Variants in SPTBN1 observed in about 807,000 individuals in gnomAD.
SPTBN1 encodes the protein spectrin beta, non-erythrocytic 1.
In SPTBN1, 32 loss-of-function variants were observed where a neutral mutation model predicts 266.4. The observed-to-expected ratio is 0.12, with a 90% CI of 0.09 to 0.16. The LOEUF is 0.16. Among genes scored for constraint, SPTBN1 ranks in the 10% least tolerant of loss-of-function variants. SPTBN1 has a pLI of 1.00. For synonymous variants in SPTBN1, 1,336 were observed against 1,162.2 expected (o/e 1.15, Z -3.04); for missense variants, 2,296 against 3,067.1 (o/e 0.75, Z 5.94).
chr2:54,659,381 A>G, intron 31 of SPTBN1, 115 bp downstream of exon 31: 1 of 991,186 alleles, frequency 1.0e-6, no homozygotes, highest in African/African-American at 1.6e-5. Flanking sequence ...CTGCCTACTG[A>G]TTGCTTCCAT....
chr2:54,548,066 C>T (rs987643132), intron 2 of SPTBN1, among the ~76,000 whole-genome samples: 1 of 152,130 alleles, frequency 6.6e-6, no homozygotes, highest in Non-Finnish European at 1.5e-5. Context: ...TGGCATGAAC[C>T]CAGGAGGTGG....
At chr2:54,544,956 G>A (rs1672152305) in intron 2 of SPTBN1, among the ~76,000 whole-genome samples, 1 of 152,058 alleles carries the variant, frequency 6.6e-6, no homozygotes, top group Non-Finnish European at 1.5e-5. Context: ...GCCCCAGGGT[G>A]TGATGTTCCC....
chr2:54,521,490 G>C (rs1454319827), intron 1 of SPTBN1, among the ~76,000 whole-genome samples: 1 of 152,198 alleles, frequency 6.6e-6, no homozygotes, highest in Admixed American at 6.5e-5. Flanking sequence ...ACACTTGAGT[G>C]AAACAGTTGA....
At chr2:54,523,014 A>T (rs532185882) in intron 1 of SPTBN1, among the ~76,000 whole-genome samples, 28 of 152,270 alleles carry the variant, frequency 1.8e-4, no homozygotes, top group African/African-American at 4.8e-4. Context: ...GCACTTTCAC[A>T]TTTTCTCCCT....
chr2:54,588,615 G>A (rs1675460064), intron 2 of SPTBN1, among the ~76,000 whole-genome samples: 1 of 152,176 alleles, frequency 6.6e-6, no homozygotes, highest in Non-Finnish European at 1.5e-5. Flanking sequence ...TAATGAAGGA[G>A]GGAAAGTGAG....
intron 17 of SPTBN1, among the ~76,000 whole-genome samples, chr2:54,633,861 T>G (rs1287519091): frequency 6.6e-6 from 1 of 152,198 alleles, no homozygotes; most frequent in Admixed American, 6.5e-5. Context: ...CTTTACCACT[T>G]CCAATCTTTT....
In SPTBN1 at chr2:54,649,308, G is replaced by T; in HGVS notation, c.5202+118G>T. The T allele has an allele frequency of 8.3e-7, 1 of 1,205,632 alleles. No homozygotes were observed. Among genetic ancestry groups the T allele is most frequent in the Non-Finnish European group, 1.1e-6 (1 of 877,930 alleles). The allele number at this position is 1,205,632 out of a possible 1,614,324, so 74.7% of individuals were successfully genotyped here. ...CCTGGACTCCAATCAGAGGTCTTGG[G>T]GTTTAGTTTTAAGGTGGTGTTTCTT... is the stretch of plus-strand genomic sequence containing the variant. On this transcript the variant is annotated intron_variant, in intron 25 of 35. Coordinates refer to ENST00000356805, the MANE Select transcript of SPTBN1 (RefSeq NM_003128.3). This position sits in a 1 kb window ranked among gnomAD's most constrained non-coding sequence, Gnocchi z 6.7.
At chr2:54,596,712 C>G (rs1309307428) in intron 2 of SPTBN1, among the ~76,000 whole-genome samples, 3 of 152,120 alleles carry the variant, frequency 2.0e-5, no homozygotes, top group Non-Finnish European at 4.4e-5. Flanking sequence ...CCTCTTCTTT[C>G]CTCCCACCTA....
chr2:54,465,361 A>G (rs1693573495), intron 1 of SPTBN1, among the ~76,000 whole-genome samples: 1 of 152,180 alleles, frequency 6.6e-6, no homozygotes, highest in Non-Finnish European at 1.5e-5. Flanking sequence ...AAACCTAAAC[A>G]CTGCTACTGG....
Position 54,668,842 on chromosome 2 carries a change from C to T in SPTBN1, c.*273C>T, listed in dbSNP as rs751787536. ...AGATCTCAGTATTTAAACTGTTCCT[C>T]AATTTTGTGAGGCTGTGTTGGAAAT... is the stretch of plus-strand genomic sequence containing the variant. On this transcript the variant is annotated 3_prime_UTR_variant, in exon 36 of 36. Transcript: ENST00000356805. The T allele has an allele frequency of 3.6e-5, 13 of 364,408 alleles. No homozygotes were observed. The highest frequency in any genetic ancestry group is 6.1e-5 in the Non-Finnish European group (12 of 197,172). 22.6% of individuals were successfully genotyped at this position (364,408 alleles called of 1,614,324 possible).
chr2:54,538,193 GAAAC>G (rs952262552), intron 2 of SPTBN1, among the ~76,000 whole-genome samples: 4 of 152,166 alleles, frequency 2.6e-5, no homozygotes, highest in African/African-American at 7.2e-5. Context: ...TTAACAAAGA[GAAAC>G]AAACATTAGC....
In SPTBN1 at chr2:54,644,319, C is replaced by T. The variant is rs1166110980; in HGVS notation, c.4006-4C>T. The T allele has an allele frequency of 1.3e-6, 2 of 1,598,186 alleles. No individual in the cohort carries two copies. The highest frequency in any genetic ancestry group is 1.7e-6 in the Non-Finnish European group (2 of 1,167,596). Reference sequence around the variant, plus strand: ...TTTACAACCATGTTGGTTTTGTTTTCCAGGAAGGAATGCAGCTCATTTCAG... The same window carrying T: ...TTTACAACCATGTTGGTTTTGTTTTTCAGGAAGGAATGCAGCTCATTTCAG... On this transcript the variant is annotated splice_polypyrimidine_tract_variant and splice_region_variant and intron_variant, in intron 19 of 35. Transcript: ENST00000356805.
At chr2:54,603,133 T>G (rs1044567062) in intron 3 of SPTBN1, among the ~76,000 whole-genome samples, 1 of 152,128 alleles carries the variant, frequency 6.6e-6, no homozygotes, top group Non-Finnish European at 1.5e-5. Context: ...AGATGAGCCC[T>G]CTGGACAGGA....
intron 8 of SPTBN1, 31 bp from the exon 9 acceptor site, chr2:54,622,269 T>C (rs1387271456): frequency 1.2e-6 from 2 of 1,609,058 alleles, no homozygotes; most frequent in South Asian, 2.2e-5. Flanking sequence ...AGTGACATGA[T>C]CTTTTCAATT....
Position 54,670,745 on chromosome 2 carries a change from C to T in SPTBN1, c.*2176C>T, listed in dbSNP as rs114305400. ...CATCGTGCACATAATTTCAACAGTT[C>T]GCAGATCTGTAGTTATGAAGCCAGG... is the stretch of plus-strand genomic sequence containing the variant. On this transcript the variant is annotated 3_prime_UTR_variant, in exon 36 of 36. Coordinates refer to ENST00000356805, the MANE Select transcript of SPTBN1 (RefSeq NM_003128.3). 4.8e-3 allele frequency: 1,911 copies of T among 398,500 alleles called. 33 individuals carry two copies. Among genetic ancestry groups the T allele is most frequent in the African/African-American group, 0.037 (1,779 of 48,694 alleles). The allele number at this position is 398,500 out of a possible 1,614,324, so 24.7% of individuals were successfully genotyped here.
chr2:54,537,345 G>A (rs1671674346), intron 2 of SPTBN1, among the ~76,000 whole-genome samples: 1 of 152,176 alleles, frequency 6.6e-6, no homozygotes, highest in Admixed American at 6.5e-5. Flanking sequence ...ACAGAGATGG[G>A]GTTTTGATTG....
At chr2:54,468,350 A>T (rs577951326) in intron 1 of SPTBN1, among the ~76,000 whole-genome samples, 6 of 151,896 alleles carry the variant, frequency 4.0e-5, no homozygotes, top group African/African-American at 1.4e-4. Flanking sequence ...AAATAAAAAA[A>T]TATGTGTGTA....
intron 1 of SPTBN1, among the ~76,000 whole-genome samples, chr2:54,485,340 G>A (rs889525442): frequency 1.3e-5 from 2 of 152,154 alleles, no homozygotes; most frequent in Non-Finnish European, 2.9e-5. Context: ...GCAGGCACGC[G>A]CCGCCACGCC....
chr2:54,649,774 G>C lies in SPTBN1; in HGVS notation c.5362G>C (p.Ala1788Pro), dbSNP rs779449551. The C allele has an allele frequency of 2.4e-5, 38 of 1,614,016 alleles. No homozygotes were observed. Among genetic ancestry groups the C allele is most frequent in the African/African-American group, 4.0e-5 (3 of 74,904 alleles). The change falls in exon 26 of 36, where the codon GCC (alanine) becomes CCC (proline). Residue 1788 changes from alanine (A) to proline (P), a missense_variant. Coordinates refer to ENST00000356805, the MANE Select transcript of SPTBN1 (RefSeq NM_003128.3). This position sits in a 1 kb window ranked among gnomAD's most constrained non-coding sequence, Gnocchi z 6.7. ...EWKDGLNEAW[A>P]DLLELIDTRT... ...GAAGGATGGCCTCAATGAAGCCTGGGCCGACCTCCTGGAGCTCATTGACAC... is the reference window on the plus strand; with the variant it reads ...GAAGGATGGCCTCAATGAAGCCTGGCCCGACCTCCTGGAGCTCATTGACAC...
Sources: allele counts gnomAD v4.1 joint callset (sites outside exome capture counted in the v4.1 genomes callset), GRCh38; gene constraint gnomAD v4.1.1; non-coding constraint Gnocchi (gnomAD v3.1); transcripts MANE v1.5; gene names NCBI Gene and HGNC (gene_info 2026-07-23, HGNC 2026-07-21).